RABGAP1L: variants seen among roughly 807,000 people sequenced by gnomAD.
The protein encoded by RABGAP1L is rab GTPase-activating protein 1-like.
In RABGAP1L, 63 loss-of-function variants were observed where a neutral mutation model predicts 137.7. The observed-to-expected ratio is 0.46, with a 90% CI of 0.37 to 0.56. The LOEUF (loss-of-function observed/expected upper bound fraction) is 0.56, where lower values mean the gene tolerates loss of function less well. RABGAP1L is among the 20% of genes least tolerant of loss of function. The pLI is 0.00. For synonymous variants in RABGAP1L, 431 were observed against 433.7 expected (o/e 0.99, Z 0.08); for missense variants, 1,095 against 1,244.0 (o/e 0.88, Z 1.80).
chr1:174,850,937 C>G (rs569624110), intron 19 of RABGAP1L, among the ~76,000 whole-genome samples: 28 of 152,306 alleles, frequency 1.8e-4, no homozygotes, highest in African/African-American at 6.7e-4. Flanking sequence ...TTTTGAGGAG[C>G]TGAGGGCAGC....
At chr1:174,694,173 A>G (rs1304363498) in intron 15 of RABGAP1L, among the ~76,000 whole-genome samples, 2 of 152,148 alleles carry the variant, frequency 1.3e-5, no homozygotes, top group East Asian at 3.9e-4. Context: ...ATACTGTACT[A>G]TGCCATTTTT....
At chr1:174,982,613 G>A (rs188611223) in intron 23 of RABGAP1L, among the ~76,000 whole-genome samples, 5 of 152,290 alleles carry the variant, frequency 3.3e-5, no homozygotes, top group Non-Finnish European at 7.4e-5. Flanking sequence ...TCTACTCTCC[G>A]TATGTTTCTA....
intron 19 of RABGAP1L, among the ~76,000 whole-genome samples, chr1:174,950,913 T>C (rs1255787518): frequency 6.6e-6 from 1 of 152,214 alleles, no homozygotes; most frequent in African/African-American, 2.4e-5. Flanking sequence ...TTTGCATCCA[T>C]AAATTAATAT....
intron 1 of RABGAP1L, among the ~76,000 whole-genome samples, chr1:174,207,212 C>T (rs1668569768): frequency 6.6e-6 from 1 of 152,132 alleles, no homozygotes; most frequent in South Asian, 2.1e-4. Context: ...TGCAACAGAG[C>T]AGTCTTAACT....
chr1:174,477,300 A>G (rs1390725244), intron 13 of RABGAP1L, among the ~76,000 whole-genome samples: 1 of 152,218 alleles, frequency 6.6e-6, no homozygotes, highest in Non-Finnish European at 1.5e-5. Flanking sequence ...TCATAAGCAA[A>G]TAACCTTCAC....
intron 18 of RABGAP1L, among the ~76,000 whole-genome samples, chr1:174,791,203 A>G (rs535350040): frequency 1.3e-5 from 2 of 151,968 alleles, no homozygotes; most frequent in East Asian, 3.9e-4. Context: ...AAAAAAAAAA[A>G]GAAAAAAAAA....
intron 18 of RABGAP1L, among the ~76,000 whole-genome samples, chr1:174,763,731 A>G (rs1428229268): frequency 6.8e-5 from 8 of 117,526 alleles, no homozygotes; most frequent in Admixed American, 2.0e-4. Context: ...CCAGCTATGC[A>G]GGAGGCTGAG....
chr1:174,379,409 C>A (rs1685905553), intron 12 of RABGAP1L, among the ~76,000 whole-genome samples: 1 of 149,030 alleles, frequency 6.7e-6, no homozygotes, highest in Admixed American at 6.7e-5. Flanking sequence ...TTGATTCTTC[C>A]TACCCATGAG....
chr1:174,503,283 A>G (rs555049948), intron 13 of RABGAP1L, among the ~76,000 whole-genome samples: 3 of 152,352 alleles, frequency 2.0e-5, no homozygotes, highest in African/African-American at 7.2e-5. Flanking sequence ...CATATGGCCC[A>G]CAAAGCCTAA....
intron 11 of RABGAP1L, among the ~76,000 whole-genome samples, chr1:174,370,511 ACT>A (rs1685032146): frequency 1.5e-5 from 1 of 68,560 alleles, no homozygotes. Context: ...AAGAAACCTA[ACT>A]TTTTTTTTTT....
chr1:174,214,310 A>G (rs1669122068), intron 1 of RABGAP1L, among the ~76,000 whole-genome samples: 1 of 152,210 alleles, frequency 6.6e-6, no homozygotes, highest in Non-Finnish European at 1.5e-5. Flanking sequence ...AATGAAAACC[A>G]TAAAACATTG....
chr1:174,795,599 T>C (rs1488346168), intron 18 of RABGAP1L, among the ~76,000 whole-genome samples: 1 of 152,194 alleles, frequency 6.6e-6, no homozygotes, highest in Non-Finnish European at 1.5e-5. Context: ...AGGGTCTCAC[T>C]TTCTCACCAA....
chr1:174,725,391 A>G (rs752664817), intron 17 of RABGAP1L, among the ~76,000 whole-genome samples: 11 of 152,208 alleles, frequency 7.2e-5, no homozygotes, highest in South Asian at 4.1e-4. Context: ...AAGGTTGAGA[A>G]AGAGGAATAT....
intron 19 of RABGAP1L, among the ~76,000 whole-genome samples, chr1:174,865,662 A>C (rs940793454): frequency 6.6e-6 from 1 of 152,144 alleles, no homozygotes; most frequent in African/African-American, 2.4e-5. Flanking sequence ...ATTGCCAGGC[A>C]CAGTAACTTG....
chr1:174,811,778 T>A (rs1689892528), intron 18 of RABGAP1L, 54 bp from the exon 19 acceptor site: 1 of 1,425,238 alleles, frequency 7.0e-7, no homozygotes, highest in Non-Finnish European at 9.3e-7. Context: ...TGAAATATAT[T>A]TGTCCTCAAA....
intron 18 of RABGAP1L, among the ~76,000 whole-genome samples, chr1:174,807,359 TA>T (rs987510446): frequency 1.1e-4 from 16 of 151,478 alleles, no homozygotes; most frequent in African/African-American, 3.6e-4. Context: ...AGTATTCTTT[TA>T]AAAAAAAAGC....
chr1:174,396,511 A>G (rs184012559), intron 13 of RABGAP1L, among the ~76,000 whole-genome samples: 1 of 152,064 alleles, frequency 6.6e-6, no homozygotes, highest in African/African-American at 2.4e-5. Flanking sequence ...ATTTATGCCT[A>G]GAAGTTTTTA....
intron 14 of RABGAP1L, among the ~76,000 whole-genome samples, chr1:174,650,855 G>A (rs1675422212): frequency 7.2e-6 from 1 of 138,944 alleles, no homozygotes; most frequent in Admixed American, 7.0e-5. Context: ...TCTGATTTTA[G>A]TTATTTCTTG....
rs975702164 is a variant in RABGAP1L at position 174,219,170 on chromosome 1, G to T, written c.13G>T (p.Ala5Ser). Reference sequence around the variant, plus strand: ...TTGCAGAACTGAAATGGAGGTCAGAGCTTCATTACAGAAGGTTAGTGGATC... The same window carrying T: ...TTGCAGAACTGAAATGGAGGTCAGATCTTCATTACAGAAGGTTAGTGGATC... MEVR[A>S]SLQKVSGSSD... Residue 5 changes from alanine to serine, a missense_variant, in exon 2 of 26, where the codon GCT becomes TCT. By Grantham distance (99) the Ala-to-Ser change is moderately conservative (BLOSUM62 1). Coordinates refer to ENST00000681986, the MANE Select transcript of RABGAP1L (RefSeq NM_001366446.1). The T allele has an allele frequency of 1.3e-6, 2 of 1,599,740 alleles. No individual in the cohort carries two copies. Among genetic ancestry groups the T allele is most frequent in the South Asian group, 2.3e-5 (2 of 87,006 alleles).
Sources: gnomAD v4.1 joint callset for allele counts (sites outside exome capture counted in the v4.1 genomes callset) on GRCh38, gnomAD v4.1.1 for gene constraint, MANE v1.5 for transcripts, NCBI Gene and HGNC (gene_info 2026-07-23, HGNC 2026-07-21) for gene names.